The following FOXP2 variants were observed in gnomAD, a reference collection of about 807,000 sequenced individuals.
FOXP2 encodes the protein forkhead box protein P2.
Under a neutral mutation model 115.8 loss-of-function variants are expected in FOXP2, and 12 were observed. The ratio of observed to expected loss-of-function variants is 0.10; its 90% CI spans 0.07 to 0.17. FOXP2 has a LOEUF of 0.17. FOXP2 is among the 10% of genes least tolerant of loss of function. The pLI is 1.00. For missense variants in FOXP2, 629 were observed against 843.5 expected (o/e 0.75, Z 3.15); for synonymous variants, 328 against 297.7 (o/e 1.10, Z -1.05).
intron 1 of FOXP2, among the ~76,000 whole-genome samples, chr7:114,221,857 T>C (rs1011033469): frequency 6.6e-6 from 1 of 152,136 alleles, no homozygotes; most frequent in Non-Finnish European, 1.5e-5. Context: ...CTTAGATAAA[T>C]AGCTGTTTTC....
intron 2 of FOXP2, among the ~76,000 whole-genome samples, chr7:114,481,812 A>ATCTATCTATCTATATATCTATC (rs1562952222): frequency 8.0e-6 from 1 of 125,134 alleles, no homozygotes; most frequent in African/African-American, 3.0e-5. Context: ...ATCTATCTAT[A>ATCTATCTATCTATATATCTATC]TATCTATCTA....
intron 2 of FOXP2, among the ~76,000 whole-genome samples, chr7:114,328,061 AAGGTGC>A (rs1797602753): frequency 6.7e-6 from 1 of 148,724 alleles, no homozygotes; most frequent in Non-Finnish European, 1.5e-5. Context: ...GCTGAGCCTA[AAGGTGC>A]ATACCACCAT....
intron 1 of FOXP2, among the ~76,000 whole-genome samples, chr7:114,200,349 T>C (rs1237771163): frequency 5.9e-5 from 9 of 152,228 alleles, no homozygotes; most frequent in Non-Finnish European, 1.2e-4. Context: ...AGATATAATA[T>C]GTGACTTCTT....
At chr7:114,591,330 T>C (rs979610826) in intron 3 of FOXP2, among the ~76,000 whole-genome samples, 57 of 152,298 alleles carry the variant, frequency 3.7e-4, no homozygotes, top group African/African-American at 1.2e-3. Context: ...TTATCCTTGA[T>C]CATCTGTCTA....
At chr7:114,438,525 TAAC>T (rs1340909437) in intron 2 of FOXP2, among the ~76,000 whole-genome samples, 1 of 151,574 alleles carries the variant, frequency 6.6e-6, no homozygotes, top group African/African-American at 2.4e-5. Flanking sequence ...ATAAATAAAA[TAAC>T]AATAAAAATA....
chr7:114,396,194 T>C (rs1792733944), intron 2 of FOXP2, among the ~76,000 whole-genome samples: 1 of 151,862 alleles, frequency 6.6e-6, no homozygotes, highest in Admixed American at 6.6e-5. Flanking sequence ...CTGGTAACCA[T>C]CCCTCTACTC....
chr7:114,401,974 T>C (rs1325972697), intron 2 of FOXP2, among the ~76,000 whole-genome samples: 1 of 151,802 alleles, frequency 6.6e-6, no homozygotes, highest in African/African-American at 2.4e-5. Flanking sequence ...ATACAAAAAT[T>C]AGCTAGGCAT....
chr7:114,494,091 C>T (rs1797196682), intron 2 of FOXP2, among the ~76,000 whole-genome samples: 1 of 151,680 alleles, frequency 6.6e-6, no homozygotes, highest in Non-Finnish European at 1.5e-5. Context: ...TTAATTATTA[C>T]TTTTTTTTAA....
At chr7:114,649,211 G>C (rs927545674) in intron 8 of FOXP2, among the ~76,000 whole-genome samples, 2 of 151,934 alleles carry the variant, frequency 1.3e-5, no homozygotes, top group African/African-American at 4.8e-5. Context: ...ACTTAATAAA[G>C]GTTTTGTAAC....
chr7:114,557,571 A>T (rs1436961071), intron 3 of FOXP2, among the ~76,000 whole-genome samples: 2 of 144,406 alleles, frequency 1.4e-5, no homozygotes, highest in Non-Finnish European at 3.0e-5. Context: ...AAATTGAGTT[A>T]AGATTGTTTT....
intron 2 of FOXP2, among the ~76,000 whole-genome samples, chr7:114,318,333 C>T (rs1210620615): frequency 6.8e-6 from 1 of 146,774 alleles, no homozygotes; most frequent in Non-Finnish European, 1.5e-5. Context: ...ATTCTTTGTA[C>T]TTCTTCGCTA....
At chr7:114,530,337 T>C (rs1273453140) in intron 2 of FOXP2, among the ~76,000 whole-genome samples, 1 of 151,878 alleles carries the variant, frequency 6.6e-6, no homozygotes, top group Non-Finnish European at 1.5e-5. Flanking sequence ...TTCAGAGAGA[T>C]TTTGTAGCCT....
At chr7:114,593,277 A>G (rs1802530438) in intron 3 of FOXP2, among the ~76,000 whole-genome samples, 1 of 152,024 alleles carries the variant, frequency 6.6e-6, no homozygotes, top group African/African-American at 2.4e-5. Context: ...CATAGTTTTA[A>G]TATAGCCCAG....
rs779921362 is a variant in FOXP2, at chr7:114,658,247, A to G, written c.1448A>G (p.Tyr483Cys). Residue 483 changes from tyrosine (Y) to cysteine (C), a missense_variant, in exon 11 of 17, where the codon TAC becomes TGC. Transcript: ENST00000350908. ...ATACGAAGGCGACATTCAGACAAAT[A>G]CAACATTCCCATGTCATCAGGTAGG... Reference protein sequence around the residue: ...GAIRRRHSDKYNIPMSSEIAP... With the variant: ...GAIRRRHSDKCNIPMSSEIAP... The G allele has an allele frequency of 4.3e-6, 7 of 1,613,670 alleles. No individual in the cohort carries two copies. In the Admixed American group the frequency reaches 6.7e-5, roughly 15 times the overall value.
At chr7:114,518,734 G>C (rs1255173152) in intron 2 of FOXP2, among the ~76,000 whole-genome samples, 2 of 152,198 alleles carry the variant, frequency 1.3e-5, no homozygotes, top group African/African-American at 4.8e-5. Flanking sequence ...TTGAACTCCT[G>C]ATCTCAAGTG....
Position 114,529,832 on chromosome 7 carries a change from T to A in FOXP2, c.169-4785T>A, listed in dbSNP as rs142530526. Among the ~76,000 whole-genome samples, 257 of 152,022 alleles carry A rather than the reference T, an allele frequency of 1.7e-3. 1 individual carries two copies. Among genetic ancestry groups the A allele is most frequent in the African/African-American group, 5.8e-3 (243 of 41,562 alleles). ...TCGGATTACATGTATCAGTATATTC[T>A]CTTTAGTGGGAACATAATATGAAGA... is the stretch of plus-strand genomic sequence containing the variant. On this transcript the variant is annotated intron_variant, in intron 2 of 16. Transcript: ENST00000350908.
chr7:114,173,321 T>A (rs906252677), intron 1 of FOXP2, among the ~76,000 whole-genome samples: 2 of 151,836 alleles, frequency 1.3e-5, no homozygotes, highest in Non-Finnish European at 2.9e-5. Context: ...AAGTACCAGA[T>A]ATGGGGTGTT....
At chr7:114,227,802 G>A (rs1185938393) in intron 1 of FOXP2, among the ~76,000 whole-genome samples, 4 of 151,972 alleles carry the variant, frequency 2.6e-5, no homozygotes, top group Admixed American at 6.6e-5. Flanking sequence ...ACATGAAGCA[G>A]CGTTAATACG....
At chr7:114,299,100 T>G (rs1409466027) in intron 2 of FOXP2, among the ~76,000 whole-genome samples, 1 of 152,068 alleles carries the variant, frequency 6.6e-6, no homozygotes, top group African/African-American at 2.4e-5. Context: ...CTTACATAAT[T>G]ATAACAAAAA....
Sources: allele counts gnomAD v4.1 joint callset (sites outside exome capture counted in the v4.1 genomes callset), GRCh38; gene constraint gnomAD v4.1.1; transcripts MANE v1.5; gene names NCBI Gene and HGNC (gene_info 2026-07-23, HGNC 2026-07-21).